Variants in MTUS2 observed in about 807,000 individuals in gnomAD.
The protein encoded by MTUS2 is microtubule-associated tumor suppressor candidate 2.
In MTUS2, 40 loss-of-function variants were observed where a neutral mutation model predicts 114.1. That is an observed-to-expected ratio of 0.35 (90% CI 0.27 to 0.46). The LOEUF (loss-of-function observed/expected upper bound fraction) is 0.46, where lower values mean the gene tolerates loss of function less well. Among genes scored for constraint, MTUS2 ranks in the 20% least tolerant of loss-of-function variants. The pLI, the probability that MTUS2 is intolerant of heterozygous loss-of-function variation, is 1.00. For synonymous variants in MTUS2, 688 were observed against 672.0 expected (o/e 1.02, Z -0.37); for missense variants, 1,679 against 1,705.4 (o/e 0.98, Z 0.27).
intron 2 of MTUS2, among the ~76,000 whole-genome samples, chr13:28,997,799 G>C (rs1186740186): frequency 6.6e-6 from 1 of 152,022 alleles, no homozygotes; most frequent in African/African-American, 2.4e-5. Flanking sequence ...CACGTGAGAT[G>C]GGTTTCCTGA....
intron 5 of MTUS2, among the ~76,000 whole-genome samples, chr13:29,122,189 G>A (rs1891338494): frequency 6.6e-6 from 1 of 152,168 alleles, no homozygotes; most frequent in South Asian, 2.1e-4. Context: ...GAAGCTTTGA[G>A]GAGGGAGAAG....
intron 6 of MTUS2, among the ~76,000 whole-genome samples, chr13:29,295,715 G>C (rs749435364): frequency 6.6e-6 from 1 of 152,160 alleles, no homozygotes; most frequent in Non-Finnish European, 1.5e-5. Flanking sequence ...AAGCAAAAGA[G>C]GTTTGTTTAA....
Position 29,405,956 on chromosome 13 carries a change from G to A in MTUS2, c.3118-34027G>A, listed in dbSNP as rs1042897345. On this transcript the variant is annotated intron_variant, in intron 8 of 15. Coordinates refer to ENST00000612955, the MANE Select transcript of MTUS2 (RefSeq NM_001033602.4). ...GGGTTTCACCATGTTGGCCAGGCTG[G>A]TCTCAAACTCCTGACCTCACATGAT... Among the ~76,000 whole-genome samples the A allele has an allele frequency of 1.6e-4, 25 of 152,124 alleles. No individual in the cohort carries two copies. The South Asian group carries it at 3.9e-3, about 24-fold the overall frequency.
At chr13:28,929,871 G>A (rs1465968207) in intron 2 of MTUS2, among the ~76,000 whole-genome samples, 1 of 152,140 alleles carries the variant, frequency 6.6e-6, no homozygotes, top group Middle Eastern at 3.2e-3. Flanking sequence ...CATTTTTGAG[G>A]ATGAGAGTTA....
chr13:29,250,142 TGG>T (rs1307995293), intron 5 of MTUS2, among the ~76,000 whole-genome samples: 1 of 151,942 alleles, frequency 6.6e-6, no homozygotes, highest in African/African-American at 2.4e-5. Context: ...TAAAATAAAA[TGG>T]ATAAGGAAAA....
At chr13:29,017,599 C>G (rs1345201722) in intron 2 of MTUS2, among the ~76,000 whole-genome samples, 1 of 151,998 alleles carries the variant, frequency 6.6e-6, no homozygotes, top group Non-Finnish European at 1.5e-5. Flanking sequence ...ATATACTTTT[C>G]TATCTACTCT....
At chr13:29,285,422 G>A (rs777832138) in intron 6 of MTUS2, among the ~76,000 whole-genome samples, 1 of 151,956 alleles carries the variant, frequency 6.6e-6, no homozygotes. Flanking sequence ...TGCCTCTTCT[G>A]ATGAATGAGT....
At chr13:29,428,795 G>C (rs751286617) in intron 8 of MTUS2, 111 of 1,612,402 alleles carry the variant, frequency 6.9e-5, no homozygotes, top group Non-Finnish European at 9.1e-5. Flanking sequence ...GGAGTTGCCC[G>C]CTGACACCTT....
intron 6 of MTUS2, among the ~76,000 whole-genome samples, chr13:29,286,686 C>CTATCTATCTATATATCTATG (rs1405035936): frequency 1.4e-4 from 22 of 151,872 alleles, no homozygotes; most frequent in Admixed American, 1.3e-3. Context: ...ATCTATCTAT[C>CTATCTATCTATATATCTATG]TATCTATCTA....
chr13:28,965,112 C>T (rs1883518999), intron 2 of MTUS2, among the ~76,000 whole-genome samples: 3 of 152,162 alleles, frequency 2.0e-5, no homozygotes, highest in Admixed American at 2.0e-4. Context: ...ATGAAGTTCA[C>T]ACGGATGGTT....
chr13:29,028,339 G>A (rs1305298395), intron 3 of MTUS2, among the ~76,000 whole-genome samples: 1 of 124,288 alleles, frequency 8.0e-6, no homozygotes, highest in African/African-American at 3.5e-5. Flanking sequence ...AACAGAGCGC[G>A]ACTCAGTCTC....
chr13:29,390,443 C>G (rs1454095283), intron 8 of MTUS2, among the ~76,000 whole-genome samples: 1 of 151,748 alleles, frequency 6.6e-6, no homozygotes, highest in African/African-American at 2.4e-5. Flanking sequence ...CACTTGAGGT[C>G]AGGAGTTCGA....
In MTUS2 at chr13:29,491,913, GTA is replaced by G. The variant is rs1252090720; in HGVS notation, c.3506-731_3506-730del. Reference sequence around the variant, plus strand: ...TATGTGTGCGTGGCGTGTAGTGTGTGTATGTGATGTGTGTGTGGTAGGTGTGT... The same window carrying G: ...TATGTGTGCGTGGCGTGTAGTGTGTGTGTGATGTGTGTGTGGTAGGTGTGT... On this transcript the variant is annotated intron_variant, in intron 11 of 15. Transcript: ENST00000612955. 9.1e-4 allele frequency among the ~76,000 whole-genome samples: 129 copies of G among 141,720 alleles called. 1 individual carries two copies. The highest frequency in any genetic ancestry group is 3.3e-3 in the African/African-American group (125 of 37,902). 93.0% of individuals were successfully genotyped at this position (141,720 alleles called of 152,430 possible). A position where few individuals can be genotyped will look rare whatever the true frequency, so the allele number is the denominator to read the frequency against.
intron 9 of MTUS2, among the ~76,000 whole-genome samples, chr13:29,452,599 TG>T (rs1870896191): frequency 6.6e-6 from 1 of 150,914 alleles, no homozygotes; most frequent in Non-Finnish European, 1.5e-5. Context: ...TGTGTGTGTG[TG>T]TGTGTGTATA....
chr13:29,255,802 C>T (rs565343119), intron 5 of MTUS2, among the ~76,000 whole-genome samples: 6 of 152,246 alleles, frequency 3.9e-5, no homozygotes, highest in African/African-American at 1.2e-4. Context: ...TGGGCCCAGC[C>T]ACTGGAGAGT....
chr13:29,484,096 A>G (rs1013558703), intron 10 of MTUS2: 1 of 152,262 alleles, frequency 6.6e-6, no homozygotes, highest in African/African-American at 2.4e-5. Flanking sequence ...ATTCTGCTCC[A>G]TCAAGTCTCA....
At chr13:28,974,046 TTCTC>T (rs144526765) in intron 2 of MTUS2, among the ~76,000 whole-genome samples, 2,191 of 152,302 alleles carry the variant, frequency 0.014, 65 homozygotes, top group African/African-American at 0.05. Flanking sequence ...CAGACGTATA[TTCTC>T]TCTCCCAATT....
intron 2 of MTUS2, among the ~76,000 whole-genome samples, chr13:28,882,753 A>T (rs990014530): frequency 2.0e-5 from 3 of 152,136 alleles, no homozygotes; most frequent in African/African-American, 7.2e-5. Flanking sequence ...ATTTTTTTTT[A>T]AATAGACAAT....
intron 5 of MTUS2, among the ~76,000 whole-genome samples, chr13:29,207,173 C>G (rs571706541): frequency 3.3e-5 from 5 of 151,644 alleles, no homozygotes; most frequent in Non-Finnish European, 5.9e-5. Context: ...TTGTTTGTTT[C>G]TTTGTTTTGC....
Sources: gnomAD v4.1 joint callset for allele counts (sites outside exome capture counted in the v4.1 genomes callset) on GRCh38, gnomAD v4.1.1 for gene constraint, MANE v1.5 for transcripts, NCBI Gene and HGNC (gene_info 2026-07-23, HGNC 2026-07-21) for gene names.